Variants in STX8 observed in about 807,000 individuals in gnomAD.
STX8 encodes syntaxin-8.
STX8 carries 23 observed loss-of-function variants against 37.5 expected under a neutral mutation model. The observed-to-expected ratio is 0.61, with a 90% CI of 0.44 to 0.87. The LOEUF is 0.87. Ranked by LOEUF, STX8 falls within the 40% of genes least tolerant of loss-of-function variation. STX8 has a pLI of 0.00. For missense variants in STX8, 313 were observed against 284.7 expected (o/e 1.10, Z -0.71); for synonymous variants, 115 against 99.1 (o/e 1.16, Z -0.95).
intron 5 of STX8, among the ~76,000 whole-genome samples, chr17:9,502,723 GA>G (rs955685701): frequency 1.3e-5 from 2 of 152,054 alleles, no homozygotes; most frequent in African/African-American, 4.8e-5. Context: ...GTCAAAAACT[GA>G]AAACCACCCA....
intron 7 of STX8, among the ~76,000 whole-genome samples, chr17:9,355,880 G>C (rs760655481): frequency 3.3e-5 from 5 of 151,880 alleles, no homozygotes; most frequent in Non-Finnish European, 5.9e-5. Flanking sequence ...TTGAACTCCT[G>C]GGGTCTAGCA....
In STX8 at chr17:9,535,729, T is replaced by G. The variant is rs114218174; in HGVS notation, c.323+9443A>C. ...TTACAGGCGTGAGCCATCGTGCCCA[T>G]CCTCCAGCCATCCTACTTCTAAGAA... On this transcript the variant is annotated intron_variant, in intron 4 of 7. Coordinates refer to ENST00000306357, the MANE Select transcript of STX8 (RefSeq NM_004853.3). Among the ~76,000 whole-genome samples, 646 of 152,060 alleles carry G rather than the reference T, an allele frequency of 4.2e-3. 3 individuals are homozygous for G. The highest frequency in any genetic ancestry group is 0.015 in the African/African-American group (603 of 41,484).
intron 7 of STX8, among the ~76,000 whole-genome samples, chr17:9,355,804 G>A (rs181964584): frequency 2.6e-5 from 4 of 152,070 alleles, no homozygotes; most frequent in East Asian, 1.9e-4. Flanking sequence ...CACTGCACCC[G>A]GCCACCTAGC....
At chr17:9,308,864 G>A (rs1412405027) in intron 7 of STX8, among the ~76,000 whole-genome samples, 1 of 151,846 alleles carries the variant, frequency 6.6e-6, no homozygotes, top group African/African-American at 2.4e-5. Flanking sequence ...GAATGTCAAA[G>A]CACCATATTT....
chr17:9,428,462 G>A (rs1231327040), intron 6 of STX8, among the ~76,000 whole-genome samples: 1 of 152,160 alleles, frequency 6.6e-6, no homozygotes, highest in Non-Finnish European at 1.5e-5. Flanking sequence ...GGATGGTCTT[G>A]ATCTCCTGAC....
chr17:9,422,165 C>T (rs572628945), intron 6 of STX8, among the ~76,000 whole-genome samples: 12 of 150,162 alleles, frequency 8.0e-5, no homozygotes, highest in Non-Finnish European at 1.2e-4. Flanking sequence ...AGTGCAATGG[C>T]GCGATCTTGG....
At chr17:9,274,900 A>G (rs913654418) in intron 7 of STX8, among the ~76,000 whole-genome samples, 14 of 150,892 alleles carry the variant, frequency 9.3e-5, no homozygotes, top group Admixed American at 2.0e-4. Flanking sequence ...ACAGGCATGC[A>G]CCACCATGCC....
At chr17:9,448,103 A>G (rs966857009) in intron 6 of STX8, among the ~76,000 whole-genome samples, 1 of 150,554 alleles carries the variant, frequency 6.6e-6, no homozygotes, top group Admixed American at 6.7e-5. Context: ...TGAACCCAGG[A>G]GGCAGAGGTT....
At chr17:9,442,215 T>C (rs939259943) in intron 6 of STX8, among the ~76,000 whole-genome samples, 1 of 152,192 alleles carries the variant, frequency 6.6e-6, no homozygotes, top group Non-Finnish European at 1.5e-5. Flanking sequence ...AATCAATCAC[T>C]GGTCCTACTA....
At chr17:9,449,193 C>T (rs747523870) in intron 6 of STX8, among the ~76,000 whole-genome samples, 11 of 152,184 alleles carry the variant, frequency 7.2e-5, no homozygotes, top group Non-Finnish European at 1.6e-4. Context: ...AAAATCCAAA[C>T]ATACCCATCT....
intron 7 of STX8, among the ~76,000 whole-genome samples, chr17:9,340,496 T>A (rs1379821767): frequency 6.6e-6 from 1 of 152,160 alleles, no homozygotes; most frequent in Non-Finnish European, 1.5e-5. Context: ...CTAGCATGGT[T>A]TTCTATCATT....
chr17:9,252,375 C>T (rs992028154), intron 7 of STX8, among the ~76,000 whole-genome samples: 22 of 151,686 alleles, frequency 1.5e-4, no homozygotes, highest in African/African-American at 5.1e-4. Context: ...ACCCGGGAGG[C>T]GGAGCTTGCA....
At chr17:9,403,803 C>T (rs759585110) in intron 6 of STX8, among the ~76,000 whole-genome samples, 13 of 152,006 alleles carry the variant, frequency 8.6e-5, no homozygotes, top group African/African-American at 1.9e-4. Flanking sequence ...TCTGCAACCA[C>T]GCCTGGCTAA....
At chr17:9,493,265 TA>T (rs1482907745) in intron 5 of STX8, among the ~76,000 whole-genome samples, 4 of 152,160 alleles carry the variant, frequency 2.6e-5, no homozygotes, top group Admixed American at 1.3e-4. Context: ...GCTCTGTCTC[TA>T]AATAAAAAAT....
chr17:9,547,223 G>A (rs1906563771), intron 3 of STX8: 1 of 142,256 alleles, frequency 7.0e-6, no homozygotes, highest in African/African-American at 2.7e-5. Flanking sequence ...GCTCCAGCCT[G>A]GTGAAAGAGC....
chr17:9,516,560 A>G (rs1341885887), intron 4 of STX8, among the ~76,000 whole-genome samples: 4 of 151,524 alleles, frequency 2.6e-5, no homozygotes, highest in Non-Finnish European at 5.9e-5. Context: ...AAATCCAGCA[A>G]TTTCACTCAC....
rs117523036 is a variant in STX8 at position 9,390,333 on chromosome 17, C to T, written c.542-11680G>A. 8.5e-3 allele frequency among the ~76,000 whole-genome samples: 1,275 copies of T among 150,650 alleles called. 41 individuals carry two copies. Among genetic ancestry groups the T allele is most frequent in the East Asian group, 0.077 (389 of 5,050 alleles). On this transcript the variant is annotated intron_variant, in intron 6 of 7. Transcript: ENST00000306357. ...GATCAGGAGTTGAAGACCAGCCTGA[C>T]CAATCTGATGAAACCCCGTCTCTAC...
intron 6 of STX8, among the ~76,000 whole-genome samples, chr17:9,459,974 G>T (rs1905306742): frequency 6.6e-6 from 1 of 152,232 alleles, no homozygotes; most frequent in African/African-American, 2.4e-5. Flanking sequence ...TAGAGAGGCA[G>T]CTGGCAAGAC....
At chr17:9,266,527 A>AAGCCAGGTCAC (rs1205552142) in intron 7 of STX8, among the ~76,000 whole-genome samples, 1 of 152,078 alleles carries the variant, frequency 6.6e-6, no homozygotes, top group Non-Finnish European at 1.5e-5. Context: ...AATCAAGAGG[A>AAGCCAGGTCAC]AGCCAGGTCA....
Sources: allele counts gnomAD v4.1 joint callset (sites outside exome capture counted in the v4.1 genomes callset), GRCh38; gene constraint gnomAD v4.1.1; transcripts MANE v1.5; gene names NCBI Gene and HGNC (gene_info 2026-07-23, HGNC 2026-07-21).